Variants in PCDHGA4 observed in about 807,000 individuals in gnomAD.
The protein encoded by PCDHGA4 is protocadherin gamma-A4.
A neutral mutation model predicts 54.6 loss-of-function variants in PCDHGA4; 38 were observed. That is an observed-to-expected ratio of 0.70 (90% CI 0.54 to 0.91). The LOEUF is 0.91. Among genes scored for constraint, PCDHGA4 ranks in the 40% least tolerant of loss-of-function variants. PCDHGA4 has a pLI of 0.00. For missense variants in PCDHGA4, 1,298 were observed against 1,220.9 expected (o/e 1.06, Z -0.94); for synonymous variants, 511 against 512.9 (o/e 1.00, Z 0.05).
chr5:141,383,502 C>A (rs1779190099), intron 1 of PCDHGA4: 1 of 1,613,004 alleles, frequency 6.2e-7, no homozygotes, highest in Admixed American at 1.7e-5. Context: ...GGGTGCTGGA[C>A]CGGGAGGAAG....
rs757674087 is a variant in PCDHGA4 at position 141,356,453 on chromosome 5, A to T, written c.1346A>T (p.Tyr449Phe). Residue 449 changes from tyrosine (Y) to phenylalanine (F), a missense_variant, in exon 1 of 4, where the codon TAT becomes TTT. Tyr to Phe is a conservative substitution (Grantham distance 22). Transcript: ENST00000571252. ...CTGGACAGGGAAGAAGTCTCAGAAT[A>T]TAACATCACTGTAACTGCCACTGAC... Reference protein sequence around the residue: ...RTLDREEVSEYNITVTATDQG... With the variant: ...RTLDREEVSEFNITVTATDQG... 6.2e-7 allele frequency: 1 copy of T among 1,613,360 alleles called. No homozygotes were observed.
intron 1 of PCDHGA4, chr5:141,374,245 G>C: frequency 2.5e-6 from 4 of 1,613,980 alleles, no homozygotes; most frequent in Non-Finnish European, 3.4e-6. Flanking sequence ...ATCTGGGACT[G>C]GAGCCCCAGG....
At chr5:141,387,967 C>G in intron 1 of PCDHGA4, 1 of 1,489,226 alleles carries the variant, frequency 6.7e-7, no homozygotes, top group Non-Finnish European at 9.0e-7. Flanking sequence ...TTCTGCCCGG[C>G]GCTCTGTGAG....
At chr5:141,421,651 A>G in intron 1 of PCDHGA4, 1 of 1,613,868 alleles carries the variant, frequency 6.2e-7, no homozygotes, top group Non-Finnish European at 8.5e-7. Flanking sequence ...AGTGGAGATA[A>G]AAGTCAGTGA....
chr5:141,461,813 C>T (rs2099023751), intron 1 of PCDHGA4, among the ~76,000 whole-genome samples: 1 of 151,846 alleles, frequency 6.6e-6, no homozygotes, highest in African/African-American at 2.4e-5. Flanking sequence ...ACCACCACAC[C>T]CAGCTAATTT....
intron 1 of PCDHGA4, chr5:141,400,525 G>A: frequency 6.2e-7 from 1 of 1,613,908 alleles, no homozygotes; most frequent in Non-Finnish European, 8.5e-7. Context: ...TCCTGAGTTG[G>A]TGAGTTTCAT....
At chr5:141,388,568 ACACG>A in intron 1 of PCDHGA4, 1 of 1,613,888 alleles carries the variant, frequency 6.2e-7, no homozygotes, top group Non-Finnish European at 8.5e-7. Context: ...CTGCACAGAT[ACACG>A]TTCTAGTGAC....
chr5:141,490,623 T>C lies in PCDHGA4; in HGVS notation c.2515-4184T>C. The C allele has an allele frequency of 3.1e-6, 5 of 1,614,174 alleles. No individual in the cohort carries two copies. The highest frequency in any genetic ancestry group is 4.2e-6 in the Non-Finnish European group (5 of 1,180,020). ...GCTTCAACCAGCAGCTTTACACTGC[T>C]TACATCCTAGAAAACCGGCCTCCGG... On this transcript the variant is annotated intron_variant, in intron 1 of 3. Coordinates refer to ENST00000571252, the MANE Select transcript of PCDHGA4 (RefSeq NM_018917.4). This position sits in a 1 kb window ranked among gnomAD's most constrained non-coding sequence, Gnocchi z 5.4.
At chr5:141,372,420 A>G (rs765908055) in intron 1 of PCDHGA4, 1 of 1,614,042 alleles carries the variant, frequency 6.2e-7, no homozygotes, top group Admixed American at 1.7e-5. Context: ...ACCTGACCTT[A>G]GCGACCGCCC....
At chr5:141,372,345 C>T in intron 1 of PCDHGA4, 1 of 1,613,816 alleles carries the variant, frequency 6.2e-7, no homozygotes, top group Non-Finnish European at 8.5e-7. Flanking sequence ...TGATGGAGGA[C>T]AGCAGCCTCT....
chr5:141,468,950 T>TG (rs752125489), intron 1 of PCDHGA4, among the ~76,000 whole-genome samples: 34 of 140,680 alleles, frequency 2.4e-4, no homozygotes, highest in African/African-American at 4.9e-4. Context: ...GGTAAACCTG[T>TG]GGTTTTTTTT....
In PCDHGA4 at chr5:141,431,878, C is replaced by T. The variant is rs2097425306; in HGVS notation, c.2515-62929C>T. The T allele has an allele frequency of 1.2e-6, 2 of 1,614,054 alleles. No individual in the cohort carries two copies. The highest frequency in any genetic ancestry group is 1.7e-5 in the Admixed American group (1 of 60,010). ...TAATTGCCCTTTTAAATGTAAATGACCAAGATTCTGAGGAAAACGGACAGG... is the reference window on the plus strand; with the variant it reads ...TAATTGCCCTTTTAAATGTAAATGATCAAGATTCTGAGGAAAACGGACAGG... On this transcript the variant is annotated intron_variant, in intron 1 of 3. Transcript: ENST00000571252. The surrounding 1 kb of genome is among the most constrained non-coding windows in gnomAD (Gnocchi z 4.8).
At chr5:141,502,488 T>A (rs1273845698) in intron 2 of PCDHGA4, among the ~76,000 whole-genome samples, 1 of 152,236 alleles carries the variant, frequency 6.6e-6, no homozygotes, top group Non-Finnish European at 1.5e-5. Context: ...ACACTGGGAC[T>A]CATCTAACGT....
intron 1 of PCDHGA4, chr5:141,398,003 A>C: frequency 1.4e-6 from 2 of 1,391,912 alleles, no homozygotes; most frequent in East Asian, 5.0e-5. Context: ...TCCTCGGAAA[A>C]AGAATCGTTT....
In PCDHGA4 at chr5:141,485,569, T is replaced by C; in HGVS notation, c.2515-9238T>C. The C allele has an allele frequency of 6.2e-7, 1 of 1,612,664 alleles. No individual in the cohort carries two copies. Among genetic ancestry groups the C allele is most frequent in the Non-Finnish European group, 8.5e-7 (1 of 1,178,890 alleles). ...TAGATGTGAATGATCACGCCCCCCG[T>C]TTTCCGCGGCAGCAGCTGGACTTGG... On this transcript the variant is annotated intron_variant, in intron 1 of 3. Coordinates refer to ENST00000571252, the MANE Select transcript of PCDHGA4 (RefSeq NM_018917.4). This position sits in a 1 kb window ranked among gnomAD's most constrained non-coding sequence, Gnocchi z 5.7.
At chr5:141,364,166 C>T (rs1763198104) in intron 1 of PCDHGA4, 4 of 715,060 alleles carry the variant, frequency 5.6e-6, no homozygotes, top group Admixed American at 3.8e-5. Context: ...AGAGGCGACC[C>T]GACTCTGCTC....
rs1330463387 is a variant in PCDHGA4, at chr5:141,393,177, G to C, written c.2514+35556G>C. ...AGGAAAACTCTTTGGGGTAGAAATA[G>C]AAATAATTGATATTAACGATAATAA... On this transcript the variant is annotated intron_variant, in intron 1 of 3. Transcript: ENST00000571252. The C allele has an allele frequency of 1.2e-6, 2 of 1,613,174 alleles. No individual in the cohort carries two copies. Among genetic ancestry groups the C allele is most frequent in the Non-Finnish European group, 1.7e-6 (2 of 1,179,896 alleles).
chr5:141,380,499 A>G (rs1185808520), intron 1 of PCDHGA4, among the ~76,000 whole-genome samples: 4 of 152,330 alleles, frequency 2.6e-5, no homozygotes, highest in East Asian at 1.9e-4. Flanking sequence ...GTCAACAATA[A>G]TATACACTCT....
chr5:141,394,347 G>C (rs770737407), intron 1 of PCDHGA4: 1 of 1,614,118 alleles, frequency 6.2e-7, no homozygotes, highest in Non-Finnish European at 8.5e-7. Flanking sequence ...CTCTGACACC[G>C]GTGTCCTGTA....
Sources: allele counts gnomAD v4.1 joint callset (sites outside exome capture counted in the v4.1 genomes callset), GRCh38; gene constraint gnomAD v4.1.1; non-coding constraint Gnocchi (gnomAD v3.1); transcripts MANE v1.5; gene names NCBI Gene and HGNC (gene_info 2026-07-23, HGNC 2026-07-21).